The following LRRIQ3 variants were observed in gnomAD, a reference collection of about 807,000 sequenced individuals.
LRRIQ3 encodes leucine-rich repeat and IQ domain-containing protein 3.
Under a neutral mutation model 59.3 loss-of-function variants are expected in LRRIQ3, and 75 were observed. The ratio of observed to expected loss-of-function variants is 1.26; its 90% CI spans 1.05 to 1.53. The LOEUF (loss-of-function observed/expected upper bound fraction) is 1.53. Among genes scored for constraint, LRRIQ3 ranks in the 40% most tolerant of loss-of-function variants. The pLI, the probability that LRRIQ3 is intolerant of heterozygous loss-of-function variation, is 0.00. For synonymous variants in LRRIQ3, 250 were observed against 231.3 expected, an observed-to-expected ratio of 1.08 and a Z score of -0.73; for missense variants, 831 against 710.0, an observed-to-expected ratio of 1.17 and a Z score of -1.94.
intron 4 of LRRIQ3, among the ~76,000 whole-genome samples, chr1:74,144,166 G>A (rs989429890): frequency 6.6e-6 from 1 of 151,770 alleles, no homozygotes; most frequent in Admixed American, 6.6e-5. Flanking sequence ...CCTTAAATTT[G>A]AAAGACAAAT....
intron 4 of LRRIQ3, among the ~76,000 whole-genome samples, chr1:74,119,322 G>T (rs143467048): frequency 0.011 from 1,660 of 151,642 alleles, 8 homozygotes; most frequent in Middle Eastern, 0.045. Context: ...TTGATATGTT[G>T]GTTGGTAGTT....
intron 3 of LRRIQ3, among the ~76,000 whole-genome samples, chr1:74,159,037 C>G (rs986464301): frequency 8.5e-5 from 13 of 152,080 alleles, no homozygotes; most frequent in African/African-American, 2.7e-4. Context: ...GCTCTAAGGT[C>G]AGACCATACC....
intron 6 of LRRIQ3, 123 bp from the exon 7 acceptor site, chr1:74,042,056 C>A: frequency 1.0e-6 from 1 of 979,112 alleles, no homozygotes; most frequent in Non-Finnish European, 1.4e-6. Context: ...AGAATTTTTC[C>A]CAAGTACCTT....
chr1:74,107,486 G>T (rs778859078), intron 5 of LRRIQ3, among the ~76,000 whole-genome samples: 40 of 151,134 alleles, frequency 2.6e-4, no homozygotes, highest in Non-Finnish European at 4.6e-4. Context: ...TCACTTAGTT[G>T]ATATTATTAT....
chr1:74,171,236 A>C (rs1649303894), intron 3 of LRRIQ3, among the ~76,000 whole-genome samples: 1 of 152,140 alleles, frequency 6.6e-6, no homozygotes, highest in African/African-American at 2.4e-5. Flanking sequence ...AGGAAAAAAA[A>C]CTTAAAAGTT....
intron 4 of LRRIQ3, among the ~76,000 whole-genome samples, chr1:74,116,205 A>T (rs746167213): frequency 1.3e-5 from 2 of 152,024 alleles, no homozygotes; most frequent in South Asian, 4.1e-4. Context: ...ATACCAAAAG[A>T]ATAAAAAATA....
intron 7 of LRRIQ3, among the ~76,000 whole-genome samples, chr1:74,028,672 G>C (rs1462262476): frequency 6.6e-6 from 1 of 151,786 alleles, no homozygotes; most frequent in Admixed American, 6.6e-5. Context: ...TGTATTGTTG[G>C]TGTGATTTTA....
chr1:74,167,611 A>AG (rs1279525906), intron 3 of LRRIQ3, among the ~76,000 whole-genome samples: 3 of 151,844 alleles, frequency 2.0e-5, no homozygotes, highest in African/African-American at 7.3e-5. Context: ...TTGGGGAAAG[A>AG]AGTGGTTGGG....
rs2100343970 is a variant in LRRIQ3 at position 74,026,215 on chromosome 1, T to C, written c.*598A>G. 1 of 152,118 alleles carries C rather than the reference T, an allele frequency of 6.6e-6. No homozygotes were observed. 9.4% of individuals were successfully genotyped at this position (152,118 alleles called of 1,614,324 possible). A position where few individuals can be genotyped will look rare whatever the true frequency, so the allele number is the denominator to read the frequency against. Reference sequence around the variant, plus strand: ...ACAGGGCAAACCCATCAAAAGTAAATATACAAAAATCTTACAGTCTTCAAG... The same window carrying C: ...ACAGGGCAAACCCATCAAAAGTAAACATACAAAAATCTTACAGTCTTCAAG... On this transcript the variant is annotated 3_prime_UTR_variant, in exon 8 of 8. Transcript: ENST00000354431.
At chr1:74,119,351 A>G (rs532304741) in intron 4 of LRRIQ3, among the ~76,000 whole-genome samples, 1 of 152,080 alleles carries the variant, frequency 6.6e-6, no homozygotes, top group East Asian at 1.9e-4. Context: ...TTCTTCTGTA[A>G]GTTGTCTATT....
intron 4 of LRRIQ3, among the ~76,000 whole-genome samples, chr1:74,119,079 C>T (rs1646815892): frequency 6.6e-6 from 1 of 152,050 alleles, no homozygotes; most frequent in South Asian, 2.1e-4. Context: ...TATGTTGACA[C>T]ATAAAATTAA....
intron 1 of LRRIQ3, among the ~76,000 whole-genome samples, chr1:74,187,516 A>AT (rs1279499739): frequency 1.8e-4 from 28 of 152,082 alleles, no homozygotes; most frequent in African/African-American, 6.8e-4. Context: ...GTTCTCACAT[A>AT]TAAGTGTGAG....
In LRRIQ3 at chr1:74,187,361, C is replaced by T. The variant is rs989894026; in HGVS notation, c.1-3677G>A. 1.1e-4 allele frequency among the ~76,000 whole-genome samples: 17 copies of T among 151,552 alleles called. 1 individual carries two copies. In the East Asian group the frequency reaches 1.6e-3, roughly 14 times the overall value. ...ATATATAGGTATATGTTTACACACACACACACACACACACACACACACCAT... is the reference window on the plus strand; with the variant it reads ...ATATATAGGTATATGTTTACACACATACACACACACACACACACACACCAT... On this transcript the variant is annotated intron_variant, in intron 1 of 7. Coordinates refer to ENST00000354431, the MANE Select transcript of LRRIQ3 (RefSeq NM_001105659.2).
chr1:74,122,661 C>G (rs960187329), intron 4 of LRRIQ3, among the ~76,000 whole-genome samples: 1 of 152,072 alleles, frequency 6.6e-6, no homozygotes, highest in Non-Finnish European at 1.5e-5. Context: ...TTCCTTACAC[C>G]TTATACAAAA....
At chr1:74,097,065 T>C (rs1338209001) in intron 5 of LRRIQ3, among the ~76,000 whole-genome samples, 1 of 152,106 alleles carries the variant, frequency 6.6e-6, no homozygotes, top group East Asian at 1.9e-4. Context: ...ACCACTACTC[T>C]CTTCAAAGCT....
intron 3 of LRRIQ3, among the ~76,000 whole-genome samples, chr1:74,177,775 T>C (rs945718683): frequency 1.8e-4 from 27 of 151,988 alleles, no homozygotes; most frequent in Non-Finnish European, 3.5e-4. Context: ...ATTACTACTA[T>C]ATAATGTCCA....
chr1:74,132,725 A>G (rs1647046656), intron 4 of LRRIQ3, among the ~76,000 whole-genome samples: 4 of 152,202 alleles, frequency 2.6e-5, no homozygotes, highest in African/African-American at 7.2e-5. Flanking sequence ...AAGATGGATT[A>G]AAGACTTAAA....
intron 4 of LRRIQ3, among the ~76,000 whole-genome samples, chr1:74,122,681 A>G (rs1246837004): frequency 2.0e-5 from 3 of 152,188 alleles, no homozygotes; most frequent in African/African-American, 7.2e-5. Context: ...AATTAATTCA[A>G]GATGGATTAA....
intron 6 of LRRIQ3, among the ~76,000 whole-genome samples, chr1:74,060,948 G>A (rs752219075): frequency 1.1e-4 from 17 of 152,054 alleles, no homozygotes; most frequent in Non-Finnish European, 2.1e-4. Flanking sequence ...GGCAAGAAGC[G>A]TCCCACTCTC....
Sources: gnomAD v4.1 joint callset for allele counts (sites outside exome capture counted in the v4.1 genomes callset) on GRCh38, gnomAD v4.1.1 for gene constraint, MANE v1.5 for transcripts, NCBI Gene and HGNC (gene_info 2026-07-23, HGNC 2026-07-21) for gene names.